The following SNTG1 variants were observed in gnomAD, a reference collection of about 807,000 sequenced individuals.
SNTG1 encodes gamma-1-syntrophin.
Under a neutral mutation model 74.7 loss-of-function variants are expected in SNTG1, and 39 were observed. The observed-to-expected ratio is 0.52, with a 90% CI of 0.40 to 0.68. The LOEUF (loss-of-function observed/expected upper bound fraction) is 0.68. SNTG1 is among the 30% of genes least tolerant of loss of function. SNTG1 has a pLI of 0.00. For missense variants in SNTG1, 685 were observed against 609.5 expected (o/e 1.12, Z -1.30); for synonymous variants, 254 against 217.1 (o/e 1.17, Z -1.49).
At chr8:50,174,889 G>A (rs1278401718) in intron 2 of SNTG1, among the ~76,000 whole-genome samples, 3 of 133,048 alleles carry the variant, frequency 2.3e-5, no homozygotes, top group Admixed American at 1.8e-4. Context: ...AGTCCCCGGT[G>A]TGTGATGTTC....
intron 2 of SNTG1, among the ~76,000 whole-genome samples, chr8:50,349,752 T>C (rs1027846415): frequency 6.6e-6 from 1 of 152,198 alleles, no homozygotes; most frequent in African/African-American, 2.4e-5. Context: ...AGTGACAGTG[T>C]GCTGGCAGCC....
intron 9 of SNTG1, among the ~76,000 whole-genome samples, chr8:50,509,283 T>A (rs1177291232): frequency 6.6e-6 from 1 of 152,184 alleles, no homozygotes; most frequent in Non-Finnish European, 1.5e-5. Flanking sequence ...GGTCTCTATC[T>A]CTGTTTTGGT....
At chr8:50,543,268 A>T (rs1174756772) in intron 11 of SNTG1, among the ~76,000 whole-genome samples, 1 of 152,152 alleles carries the variant, frequency 6.6e-6, no homozygotes, top group Non-Finnish European at 1.5e-5. Context: ...GGTGAGGGAT[A>T]GGGCTCTAGT....
At chr8:50,582,487 G>A (rs1404905647) in intron 12 of SNTG1, among the ~76,000 whole-genome samples, 1 of 152,074 alleles carries the variant, frequency 6.6e-6, no homozygotes, top group East Asian at 1.9e-4. Context: ...ATAGTATAGA[G>A]GAAATAAAGA....
At chr8:50,059,003 A>T (rs1820257028) in intron 1 of SNTG1, among the ~76,000 whole-genome samples, 1 of 152,220 alleles carries the variant, frequency 6.6e-6, no homozygotes, top group Middle Eastern at 3.4e-3. Context: ...TACAGTGTGC[A>T]GGCATTTGGG....
chr8:49,996,722 G>A (rs917246030), intron 1 of SNTG1, among the ~76,000 whole-genome samples: 1 of 152,018 alleles, frequency 6.6e-6, no homozygotes, highest in Non-Finnish European at 1.5e-5. Flanking sequence ...CATCAAAAGG[G>A]TTATTGTTCT....
intron 2 of SNTG1, among the ~76,000 whole-genome samples, chr8:50,329,017 A>G (rs2090859399): frequency 6.6e-6 from 1 of 152,194 alleles, no homozygotes; most frequent in Non-Finnish European, 1.5e-5. Context: ...CAAAAGAGCT[A>G]TAAGTCCCAT....
intron 8 of SNTG1, among the ~76,000 whole-genome samples, chr8:50,474,694 A>T (rs2093681815): frequency 6.6e-6 from 1 of 152,160 alleles, no homozygotes; most frequent in African/African-American, 2.4e-5. Flanking sequence ...CTAGAACTAG[A>T]AATACCATTT....
At chr8:50,619,096 T>C (rs761557812) in intron 13 of SNTG1, among the ~76,000 whole-genome samples, 11 of 152,302 alleles carry the variant, frequency 7.2e-5, no homozygotes, top group Non-Finnish European at 1.6e-4. Flanking sequence ...TTAAGCTTTA[T>C]ATTATGTGCA....
intron 12 of SNTG1, among the ~76,000 whole-genome samples, chr8:50,568,277 T>A (rs1317369038): frequency 6.6e-6 from 1 of 151,968 alleles, no homozygotes; most frequent in Non-Finnish European, 1.5e-5. Flanking sequence ...CATCTATCTA[T>A]CTACCATTGT....
At chr8:50,555,546 A>AT (rs201835562) in intron 12 of SNTG1, among the ~76,000 whole-genome samples, 3,074 of 152,218 alleles carry the variant, frequency 0.02, 118 homozygotes, top group African/African-American at 0.069. Context: ...TACTTCTCTT[A>AT]TTTTTTAATT....
chr8:50,784,971 T>A (rs962543778), intron 18 of SNTG1, among the ~76,000 whole-genome samples: 1 of 151,908 alleles, frequency 6.6e-6, no homozygotes, highest in African/African-American at 2.4e-5. Context: ...TCAAAAAAAA[T>A]CACGGTGAAA....
At chr8:49,947,820 C>T (rs1243475087) in intron 1 of SNTG1, among the ~76,000 whole-genome samples, 1 of 152,070 alleles carries the variant, frequency 6.6e-6, no homozygotes, top group Non-Finnish European at 1.5e-5. Context: ...TCTATTAAGG[C>T]TCTGTGTTGA....
chr8:50,787,472 T>C (rs1255905941), intron 18 of SNTG1, among the ~76,000 whole-genome samples: 1 of 151,968 alleles, frequency 6.6e-6, no homozygotes, highest in Non-Finnish European at 1.5e-5. Context: ...AGTTGTCATA[T>C]GACCCAGCAA....
At chr8:50,567,493 T>C (rs559414050) in intron 12 of SNTG1, among the ~76,000 whole-genome samples, 13 of 152,236 alleles carry the variant, frequency 8.5e-5, no homozygotes, top group Admixed American at 7.9e-4. Context: ...TGTATATGTA[T>C]CTATATAGAA....
At chr8:50,664,822 A>G (rs189229721) in intron 15 of SNTG1, among the ~76,000 whole-genome samples, 1 of 152,296 alleles carries the variant, frequency 6.6e-6, no homozygotes, top group African/African-American at 2.4e-5. Context: ...TACATGGGGA[A>G]CATAGAGGAG....
At chr8:50,226,006 G>C (rs1205186843) in intron 2 of SNTG1, among the ~76,000 whole-genome samples, 1 of 152,124 alleles carries the variant, frequency 6.6e-6, no homozygotes, top group Non-Finnish European at 1.5e-5. Context: ...CATACAACAT[G>C]ATACCGATTC....
chr8:50,384,874 C>A (rs968157384), intron 2 of SNTG1, among the ~76,000 whole-genome samples: 10 of 152,142 alleles, frequency 6.6e-5, no homozygotes, highest in Admixed American at 2.0e-4. Flanking sequence ...TGATGTGTAC[C>A]CCTAATTTTA....
intron 1 of SNTG1, among the ~76,000 whole-genome samples, chr8:50,081,920 T>C (rs1207756616): frequency 2.0e-5 from 3 of 152,180 alleles, no homozygotes; most frequent in African/African-American, 7.2e-5. Context: ...CGTGAGCCAT[T>C]GCACCCAGCC....
Sources: gnomAD v4.1 joint callset for allele counts (sites outside exome capture counted in the v4.1 genomes callset) on GRCh38, gnomAD v4.1.1 for gene constraint, MANE v1.5 for transcripts, NCBI Gene and HGNC (gene_info 2026-07-23, HGNC 2026-07-21) for gene names.